SAP30L: variants seen among roughly 807,000 people sequenced by gnomAD.
SAP30L encodes the protein histone deacetylase complex subunit SAP30L.
SAP30L carries 10 observed loss-of-function variants against 22.3 expected under a neutral mutation model. That is an observed-to-expected ratio of 0.45 (90% CI 0.28 to 0.76). SAP30L has a LOEUF of 0.76. SAP30L is among the 30% of genes least tolerant of loss of function. The probability of loss-of-function intolerance (pLI) is 0.14; values close to 1 mark genes in which losing one functional copy is unlikely to be tolerated. For synonymous variants in SAP30L, 91 were observed against 94.1 expected (o/e 0.97, Z 0.19); for missense variants, 206 against 237.9 (o/e 0.87, Z 0.88).
At chr5:154,454,682 TTAAAA>T (rs1285670492) in intron 3 of SAP30L, among the ~76,000 whole-genome samples, 2 of 152,178 alleles carry the variant, frequency 1.3e-5, no homozygotes, top group Non-Finnish European at 2.9e-5. Context: ...CTCTCCTACT[TTAAAA>T]TAACATCACC....
Position 154,446,468 on chromosome 5 carries a change from C to G in SAP30L, c.-137C>G. 2.9e-6 allele frequency: 2 copies of G among 678,768 alleles called. No individual in the cohort carries two copies. Among genetic ancestry groups the G allele is most frequent in the Non-Finnish European group, 4.4e-6 (2 of 458,348 alleles). The allele number at this position is 678,768 out of a possible 1,614,324, so 42.0% of individuals were successfully genotyped here. On this transcript the variant is annotated 5_prime_UTR_variant, in exon 1 of 4. Transcript: ENST00000297109. Reference sequence around the variant, plus strand: ...GGAGCCGGGCCTCTCGGACGCGGGGCAGGGCAGCGCCCGGGCTGGAGACGG... The same window carrying G: ...GGAGCCGGGCCTCTCGGACGCGGGGGAGGGCAGCGCCCGGGCTGGAGACGG...
rs1237813052 is a variant in SAP30L, at chr5:154,446,575, C to T, written c.-30C>T. ...CGCGGAGTGGCCTACCGGGGACCCT[C>T]CCCCAGAGGGACCGGCCCGGGGCGG... On this transcript the variant is annotated 5_prime_UTR_variant, in exon 1 of 4. Coordinates refer to ENST00000297109, the MANE Select transcript of SAP30L (RefSeq NM_024632.6). The T allele has an allele frequency of 2.1e-6, 3 of 1,438,218 alleles. No individual in the cohort carries two copies. Among genetic ancestry groups the T allele is most frequent in the South Asian group, 3.0e-5 (2 of 67,472 alleles). The allele number at this position is 1,438,218 out of a possible 1,614,324, so 89.1% of individuals were successfully genotyped here. A position where few individuals can be genotyped will look rare whatever the true frequency, so the allele number is the denominator to read the frequency against.
chr5:154,456,127 TAA>T lies in SAP30L; in HGVS notation c.*104_*105del, dbSNP rs1757259567. On this transcript the variant is annotated 3_prime_UTR_variant, in exon 4 of 4. Transcript: ENST00000297109. Reference sequence around the variant, plus strand: ...AAAGACTGTTAAATATTATTGTAAATAAAAAAGTTTGAATGATGAATACTGTA... The same window carrying T: ...AAAGACTGTTAAATATTATTGTAAATAAAAGTTTGAATGATGAATACTGTA... The T allele has an allele frequency of 7.7e-7, 1 of 1,299,186 alleles. No homozygotes were observed. The highest frequency in any genetic ancestry group is 1.5e-5 in the African/African-American group (1 of 66,680). The allele number at this position is 1,299,186 out of a possible 1,614,324, so 80.5% of individuals were successfully genotyped here.
intron 1 of SAP30L, among the ~76,000 whole-genome samples, chr5:154,450,736 G>T (rs1324215484): frequency 1.3e-5 from 2 of 152,026 alleles, no homozygotes; most frequent in Non-Finnish European, 2.9e-5. Flanking sequence ...CTAAAGTCTT[G>T]GCACTCCTAC....
At chr5:154,454,901 T>C (rs1167214700) in intron 3 of SAP30L, among the ~76,000 whole-genome samples, 1 of 152,172 alleles carries the variant, frequency 6.6e-6, no homozygotes, top group Non-Finnish European at 1.5e-5. Context: ...ATTTGTTCAA[T>C]TGGCTGTTCA....
At chr5:154,453,637 T>C (rs1757200635) in intron 3 of SAP30L, 137 bp downstream of exon 3, 2 of 648,768 alleles carry the variant, frequency 3.1e-6, no homozygotes, top group East Asian at 2.7e-5. Context: ...TATTCCTCTT[T>C]GGCAATTTAG....
In SAP30L at chr5:154,446,540, C is replaced by A; in HGVS notation, c.-65C>A. ...GGGGTCTCAGCGACCTGCCCCGCGG[C>A]AAGCGCGGCCGCGGAGTGGCCTACC... On this transcript the variant is annotated 5_prime_UTR_variant, in exon 1 of 4. Coordinates refer to ENST00000297109, the MANE Select transcript of SAP30L (RefSeq NM_024632.6). 7.6e-7 allele frequency: 1 copy of A among 1,313,940 alleles called. No individual in the cohort carries two copies. Among genetic ancestry groups the A allele is most frequent in the Non-Finnish European group, 9.9e-7 (1 of 1,012,016 alleles). 81.4% of individuals were successfully genotyped at this position (1,313,940 alleles called of 1,614,324 possible).
chr5:154,447,947 C>CTTTTCT (rs1757056224), intron 1 of SAP30L, among the ~76,000 whole-genome samples: 2 of 118,808 alleles, frequency 1.7e-5, no homozygotes, highest in African/African-American at 6.5e-5. Context: ...TGTCCTTTTT[C>CTTTTCT]TTTTCTTTTT....
chr5:154,448,592 T>A (rs1309564873), intron 1 of SAP30L, among the ~76,000 whole-genome samples: 1 of 152,232 alleles, frequency 6.6e-6, no homozygotes. Flanking sequence ...CAGCTTATAA[T>A]AATAATTTCC....
intron 2 of SAP30L, among the ~76,000 whole-genome samples, chr5:154,452,816 T>G (rs554774653): frequency 6.6e-6 from 1 of 151,278 alleles, no homozygotes. Context: ...TCTCTGGTTT[T>G]TGCCTTTGCT....
intron 1 of SAP30L, among the ~76,000 whole-genome samples, chr5:154,447,453 T>A (rs961994601): frequency 6.6e-6 from 1 of 152,252 alleles, no homozygotes. Flanking sequence ...GATATTTAAA[T>A]TTAAATCGGA....
chr5:154,454,607 G>A (rs752643089), intron 3 of SAP30L, among the ~76,000 whole-genome samples: 62 of 151,940 alleles, frequency 4.1e-4, no homozygotes, highest in Admixed American at 7.2e-4. Context: ...TTTCTTGCTC[G>A]ACCGTCACTT....
Position 154,446,463 on chromosome 5 carries a change from C to T in SAP30L, c.-142C>T. Reference sequence around the variant, plus strand: ...CCGAGGGAGCCGGGCCTCTCGGACGCGGGGCAGGGCAGCGCCCGGGCTGGA... The same window carrying T: ...CCGAGGGAGCCGGGCCTCTCGGACGTGGGGCAGGGCAGCGCCCGGGCTGGA... On this transcript the variant is annotated 5_prime_UTR_variant, in exon 1 of 4. Coordinates refer to ENST00000297109, the MANE Select transcript of SAP30L (RefSeq NM_024632.6). 1 of 621,476 alleles carries T rather than the reference C, an allele frequency of 1.6e-6. No homozygotes were observed. Among genetic ancestry groups the T allele is most frequent in the Non-Finnish European group, 2.4e-6 (1 of 416,782 alleles). 38.5% of individuals were successfully genotyped at this position (621,476 alleles called of 1,614,324 possible).
intron 3 of SAP30L, 82 bp from the exon 4 acceptor site, chr5:154,455,818 C>G (rs1007404): frequency 0.24 from 354,277 of 1,464,870 alleles, 45,527 homozygotes; most frequent in Admixed American, 0.45. Flanking sequence ...CAAACAACTC[C>G]ATTCGCTTCT....
intron 2 of SAP30L, 151 bp from the exon 3 acceptor site, chr5:154,453,251 T>C (rs1361960004): frequency 1.4e-5 from 8 of 570,138 alleles, no homozygotes; most frequent in Middle Eastern, 4.7e-4. Flanking sequence ...TCCTAGCCAG[T>C]TACTAGTCCT....
chr5:154,450,083 A>C (rs1328297045), intron 1 of SAP30L, among the ~76,000 whole-genome samples: 1 of 152,256 alleles, frequency 6.6e-6, no homozygotes, highest in Non-Finnish European at 1.5e-5. Context: ...GTCTCTGCAG[A>C]ACATTTGTGC....
chr5:154,456,064 C>CT lies in SAP30L; in HGVS notation c.*38dup. 4 of 1,603,182 alleles carry CT rather than the reference C, an allele frequency of 2.5e-6. No homozygotes were observed. The highest frequency in any genetic ancestry group is 3.4e-6 in the Non-Finnish European group (4 of 1,174,702). ...CATCTTAAAGGAATGAAGTGTAATG[C>CT]TTGATGCACAGGTGATATCTACTAC... On this transcript the variant is annotated 3_prime_UTR_variant, in exon 4 of 4. Transcript: ENST00000297109.
At chr5:154,452,551 T>G (rs1757166653) in intron 2 of SAP30L, 2 of 858,778 alleles carry the variant, frequency 2.3e-6, no homozygotes, top group South Asian at 1.1e-4. Context: ...CTATGCAGCT[T>G]TCCTCTCTTC....
chr5:154,459,129 G>A lies in SAP30L; in HGVS notation c.*3101G>A, dbSNP rs1757322829. The stretch of plus-strand genomic sequence containing the variant: ...AGGATGGAAGAAGGAGCTTACTCTG[G>A]GGGCCTTGCCTATTGAGGGAGGCTG... On this transcript the variant is annotated 3_prime_UTR_variant, in exon 4 of 4. Coordinates refer to ENST00000297109, the MANE Select transcript of SAP30L (RefSeq NM_024632.6). The A allele has an allele frequency of 6.6e-6, 1 of 152,214 alleles. No homozygotes were observed. The highest frequency in any genetic ancestry group is 1.5e-5 in the Non-Finnish European group (1 of 68,048). 9.4% of individuals were successfully genotyped at this position (152,214 alleles called of 1,614,324 possible). A position where few individuals can be genotyped will look rare whatever the true frequency, so the allele number is the denominator to read the frequency against.
Sources: gnomAD v4.1 joint callset for allele counts (sites outside exome capture counted in the v4.1 genomes callset) on GRCh38, gnomAD v4.1.1 for gene constraint, MANE v1.5 for transcripts, NCBI Gene and HGNC (gene_info 2026-07-23, HGNC 2026-07-21) for gene names.